Variants in ACAT2 observed in about 807,000 individuals in gnomAD.
ACAT2 encodes the protein acetyl-CoA acetyltransferase 2.
Under a neutral mutation model 37.1 loss-of-function variants are expected in ACAT2, and 26 were observed. The ratio of observed to expected loss-of-function variants is 0.70; its 90% confidence interval spans 0.51 to 0.97. The LOEUF is 0.97. Ranked by LOEUF, ACAT2 falls within the 50% of genes least tolerant of loss-of-function variation. ACAT2 has a pLI of 0.00. For missense variants in ACAT2, 468 were observed against 489.0 expected, an observed-to-expected ratio of 0.96 and a Z score of 0.40; for synonymous variants, 156 against 163.6, an observed-to-expected ratio of 0.95 and a Z score of 0.35.
intron 4 of ACAT2, among the ~76,000 whole-genome samples, chr6:159,773,791 A>G (rs527390440): frequency 6.6e-6 from 1 of 152,360 alleles, no homozygotes; most frequent in African/African-American, 2.4e-5. Flanking sequence ...ATGAAAATGT[A>G]TGAGTCCATC....
chr6:159,764,302 G>A (rs1385090254), intron 2 of ACAT2, among the ~76,000 whole-genome samples: 1 of 152,098 alleles, frequency 6.6e-6, no homozygotes, highest in Non-Finnish European at 1.5e-5. Flanking sequence ...GCTCAGTTCT[G>A]AGCTTGGAAA....
chr6:159,762,764 G>T (rs1378726648), intron 1 of ACAT2, 155 bp from the exon 2 acceptor site: 1 of 1,584,504 alleles, frequency 6.3e-7, no homozygotes, highest in Non-Finnish European at 8.5e-7. Flanking sequence ...CTTGACCTTT[G>T]CTCAGACCAG....
At chr6:159,773,060 C>T in intron 4 of ACAT2, among the ~76,000 whole-genome samples, 1 of 151,852 alleles carries the variant, frequency 6.6e-6, no homozygotes, top group Non-Finnish European at 1.5e-5. Context: ...CACCATGTTG[C>T]CCAGGCTGGC....
chr6:159,775,142 G>A lies in ACAT2; in HGVS notation c.491-28G>A, dbSNP rs200038002. 4.6e-5 allele frequency: 74 copies of A among 1,611,066 alleles called. No individual in the cohort carries two copies. In the East Asian group the frequency reaches 1.5e-3, roughly 32 times the overall value. ...CAAATGCCAGTTCATGAAAATGTTA[G>A]TTTTTTGCTGTTTTTCTCCTTTCCC... On this transcript the variant is annotated intron_variant, in intron 4 of 8. Transcript: ENST00000367048.
intron 4 of ACAT2, 60 bp downstream of exon 4, chr6:159,768,688 A>C (rs1780292449): frequency 8.2e-7 from 1 of 1,219,152 alleles, no homozygotes; most frequent in African/African-American, 1.5e-5. Context: ...ACCATATACT[A>C]ATCTGCTTCT....
rs544407078 is a variant in ACAT2 at position 159,776,403 on chromosome 6, G to A, written c.757+131G>A. 4.7e-5 allele frequency: 55 copies of A among 1,170,070 alleles called. No individual in the cohort carries two copies. In the East Asian group the frequency reaches 9.9e-4, roughly 21 times the overall value. 72.5% of individuals were successfully genotyped at this position (1,170,070 alleles called of 1,614,324 possible). On this transcript the variant is annotated intron_variant, in intron 6 of 8. Transcript: ENST00000367048. ...GGGACTCACTCTGCCAGCCAGGTTC[G>A]TGTGCAGCAATATGATCATTGCTCA...
chr6:159,777,830 G>C (rs745602134), intron 7 of ACAT2, among the ~76,000 whole-genome samples: 1 of 152,160 alleles, frequency 6.6e-6, no homozygotes, highest in Non-Finnish European at 1.5e-5. Context: ...TCAGGTGTGA[G>C]CCACTACCCC....
At chr6:159,774,101 G>C (rs1780378549) in intron 4 of ACAT2, among the ~76,000 whole-genome samples, 1 of 152,230 alleles carries the variant, frequency 6.6e-6, no homozygotes. Context: ...TAAACTGATT[G>C]TCATTTGTGT....
chr6:159,775,528 C>A, intron 5 of ACAT2: 1 of 522,614 alleles, frequency 1.9e-6, no homozygotes, highest in Non-Finnish European at 3.3e-6. Context: ...ACTCTTGGTT[C>A]CAGAGCGTCC....
At chr6:159,771,908 C>A (rs1554267838) in intron 4 of ACAT2, among the ~76,000 whole-genome samples, 2 of 151,774 alleles carry the variant, frequency 1.3e-5, no homozygotes, top group Non-Finnish European at 2.9e-5. Context: ...AACATAGTGA[C>A]ACAACAACAA....
intron 8 of ACAT2, 68 bp from the exon 9 acceptor site, chr6:159,778,591 G>A: frequency 2.0e-6 from 3 of 1,538,140 alleles, no homozygotes; most frequent in Non-Finnish European, 2.7e-6. Context: ...AGAGGAAAAA[G>A]ACAAGTTTAA....
At position 159,778,779 on chromosome 6, in the gene ACAT2, C is replaced by T. The variant is rs1780495859; in HGVS notation, c.1144C>T (p.Leu382=). ...GGGCAGAAGTCGTGGTGTTGCAGCCCTGTGCATTGGGGGTGGGATGGGAAT... is the reference window on the plus strand; with the variant it reads ...GGGCAGAAGTCGTGGTGTTGCAGCCTTGTGCATTGGGGGTGGGATGGGAAT... ...RMGRSRGVAA[L]CIGGGMGIAM... is the part of the protein sequence containing the mutation. The change falls in exon 9 of 9, where the codon CTG becomes TTG. Residue 382 remains leucine, a synonymous_variant. Coordinates refer to ENST00000367048, the MANE Select transcript of ACAT2 (RefSeq NM_005891.3). 1 of 1,614,090 alleles carries T rather than the reference C, an allele frequency of 6.2e-7. No homozygotes were observed. Among genetic ancestry groups the T allele is most frequent in the Non-Finnish European group, 8.5e-7 (1 of 1,180,042 alleles).
chr6:159,763,852 A>G (rs976109379), intron 2 of ACAT2, among the ~76,000 whole-genome samples: 10 of 151,662 alleles, frequency 6.6e-5, no homozygotes, highest in African/African-American at 2.4e-4. Flanking sequence ...CTGTAATCCC[A>G]GCACTCTGGG....
chr6:159,775,883 C>T (rs1780404892), intron 5 of ACAT2: 1 of 359,804 alleles, frequency 2.8e-6, no homozygotes, highest in Admixed American at 4.5e-5. Context: ...CAGAATTTGG[C>T]ACAAACAGGT....
Position 159,775,382 on chromosome 6 carries a change from CATAGGAA to C in ACAT2, c.634+70_634+76del. 20 of 1,501,772 alleles carry C rather than the reference CATAGGAA, an allele frequency of 1.3e-5. No homozygotes were observed. In the South Asian group the frequency reaches 2.3e-4, roughly 17 times the overall value. 93.0% of individuals were successfully genotyped at this position (1,501,772 alleles called of 1,614,324 possible). A position where few individuals can be genotyped will look rare whatever the true frequency, so the allele number is the denominator to read the frequency against. ...AAGAGTAACATCTAAAAGAGTAATA[CATAGGAA>C]TCTTTAGAAATTATATCTTAGTTAT... On this transcript the variant is annotated intron_variant, in intron 5 of 8. Coordinates refer to ENST00000367048, the MANE Select transcript of ACAT2 (RefSeq NM_005891.3).
chr6:159,777,302 G>A lies in ACAT2; in HGVS notation c.758G>A (p.Gly253Glu). The part of the protein sequence containing the change: ...TGTVTPANAS[G>E]INDGAAAVVL... ...AAATTAAGTCACTCATATTTTACAG[G>A]AATAAATGATGGTGCTGCAGCTGTC... Residue 253 changes from glycine (G) to glutamate (E), a missense_variant and splice_region_variant, in exon 7 of 9, where the codon GGA becomes GAA. Physicochemically the swap from Gly to Glu is moderately conservative, Grantham distance 98 (BLOSUM62 -2). Transcript: ENST00000367048. 1 of 1,610,832 alleles carries A rather than the reference G, an allele frequency of 6.2e-7. No homozygotes were observed. The highest frequency in any genetic ancestry group is 8.5e-7 in the Non-Finnish European group (1 of 1,178,898).
chr6:159,762,554 A>G, intron 1 of ACAT2: 2 of 1,319,500 alleles, frequency 1.5e-6, no homozygotes, highest in Non-Finnish European at 2.0e-6. Context: ...CTGTCACACA[A>G]TGGCTAGAAG....
At chr6:159,764,638 AGTCT>A (rs1368809605) in intron 2 of ACAT2, among the ~76,000 whole-genome samples, 1 of 151,932 alleles carries the variant, frequency 6.6e-6, no homozygotes, top group Non-Finnish European at 1.5e-5. Context: ...GTAGAAGTGG[AGTCT>A]GTCTGTTGCC....
intron 1 of ACAT2, 173 bp downstream of exon 1, chr6:159,762,315 T>C: frequency 4.1e-6 from 5 of 1,213,116 alleles, no homozygotes; most frequent in Non-Finnish European, 5.6e-6. Context: ...CCTGACCTGG[T>C]GCTACAGCCC....
Sources: gnomAD v4.1 joint callset for allele counts (sites outside exome capture counted in the v4.1 genomes callset) on GRCh38, gnomAD v4.1.1 for gene constraint, MANE v1.5 for transcripts, NCBI Gene and HGNC (gene_info 2026-07-23, HGNC 2026-07-21) for gene names.